Variants in MYO3B observed in about 807,000 individuals in gnomAD.
MYO3B encodes the protein myosin IIIB.
MYO3B carries 156 observed loss-of-function variants against 174.6 expected under a neutral mutation model. The ratio of observed to expected loss-of-function variants is 0.89; its 90% confidence interval spans 0.78 to 1.02. The LOEUF (loss-of-function observed/expected upper bound fraction) is 1.02, where lower values mean the gene tolerates loss of function less well. Among genes scored for constraint, MYO3B ranks in the 50% least tolerant of loss-of-function variants. The pLI, the probability that MYO3B is intolerant of heterozygous loss-of-function variation, is 0.00. For synonymous variants in MYO3B, 563 were observed against 569.1 expected (o/e 0.99, Z 0.15); for missense variants, 1,632 against 1,639.4 (o/e 1.00, Z 0.08).
rs1186079317 is a variant in MYO3B at position 170,369,244 on chromosome 2, A to G, written c.838A>G (p.Arg280Gly). Residue 280 changes from arginine (R) to glycine (G), a missense_variant, in exon 9 of 35, where the codon AGG (arginine) becomes GGG (glycine). Coordinates refer to ENST00000408978, the MANE Select transcript of MYO3B (RefSeq NM_138995.5). Reference sequence around the variant, plus strand: ...CAGGTGTCTTATTAAGGATTTTGAAAGGCGACCTTCCGTCACACATCTCCT... The same window carrying G: ...CAGGTGTCTTATTAAGGATTTTGAAGGGCGACCTTCCGTCACACATCTCCT... Reference protein sequence around the residue: ...ISQCLIKDFERRPSVTHLLDH... With the variant: ...ISQCLIKDFEGRPSVTHLLDH... 6.2e-7 allele frequency: 1 copy of G among 1,613,148 alleles called. No homozygotes were observed. Among genetic ancestry groups the G allele is most frequent in the Non-Finnish European group, 8.5e-7 (1 of 1,179,504 alleles).
intron 7 of MYO3B, among the ~76,000 whole-genome samples, chr2:170,247,763 A>T (rs975562005): frequency 6.6e-6 from 1 of 152,170 alleles, no homozygotes; most frequent in Non-Finnish European, 1.5e-5. Context: ...GGCCTCTTTT[A>T]TGAAGGTACT....
At chr2:170,354,984 C>CT (rs2094109062) in intron 8 of MYO3B, among the ~76,000 whole-genome samples, 1 of 152,120 alleles carries the variant, frequency 6.6e-6, no homozygotes, top group South Asian at 2.1e-4. Context: ...GTGTTCATTT[C>CT]TTGTCTAAAA....
At chr2:170,425,655 G>A (rs2094654746) in intron 22 of MYO3B, among the ~76,000 whole-genome samples, 1 of 152,132 alleles carries the variant, frequency 6.6e-6, no homozygotes, top group Admixed American at 6.5e-5. Context: ...AGTTTGGTGT[G>A]TAAACAGCCA....
intron 32 of MYO3B, among the ~76,000 whole-genome samples, chr2:170,565,635 T>G (rs77280303): frequency 0.021 from 3,275 of 152,338 alleles, 110 homozygotes; most frequent in African/African-American, 0.075. Flanking sequence ...GGCACAGCTG[T>G]CTGTCTAGAA....
At chr2:170,246,423 C>T (rs765982371) in intron 7 of MYO3B, among the ~76,000 whole-genome samples, 9 of 152,094 alleles carry the variant, frequency 5.9e-5, no homozygotes, top group African/African-American at 1.2e-4. Context: ...CAAATAGCGT[C>T]ATGTGGACAT....
At chr2:170,472,537 A>T (rs983236433) in intron 25 of MYO3B, among the ~76,000 whole-genome samples, 1 of 152,066 alleles carries the variant, frequency 6.6e-6, no homozygotes, top group Non-Finnish European at 1.5e-5. Flanking sequence ...ACCCTCCTTG[A>T]CTTTCCCAGG....
chr2:170,226,068 A>C (rs2092949117), intron 6 of MYO3B, among the ~76,000 whole-genome samples: 1 of 152,196 alleles, frequency 6.6e-6, no homozygotes, highest in Non-Finnish European at 1.5e-5. Flanking sequence ...CTGATGTTCC[A>C]CAAGCAATGA....
intron 8 of MYO3B, among the ~76,000 whole-genome samples, chr2:170,362,978 T>C (rs944013592): frequency 2.0e-5 from 3 of 152,220 alleles, no homozygotes; most frequent in African/African-American, 7.2e-5. Flanking sequence ...ATTTAACCTA[T>C]AATTAGTGTA....
chr2:170,425,025 A>G (rs1354398131), intron 22 of MYO3B, among the ~76,000 whole-genome samples: 5 of 152,180 alleles, frequency 3.3e-5, no homozygotes, highest in African/African-American at 2.4e-5. Flanking sequence ...TCTCAAAGCC[A>G]TTTATACTTT....
intron 32 of MYO3B, chr2:170,646,842 C>A: frequency 1.1e-6 from 1 of 909,134 alleles, no homozygotes; most frequent in South Asian, 1.3e-5. Flanking sequence ...TGAAGCTGTT[C>A]GTCAGGATAG....
At chr2:170,280,283 G>A (rs1041997140) in intron 7 of MYO3B, among the ~76,000 whole-genome samples, 1 of 151,772 alleles carries the variant, frequency 6.6e-6, no homozygotes, top group Non-Finnish European at 1.5e-5. Flanking sequence ...GTCTGTTTAT[G>A]TCCTTTGTCC....
At chr2:170,282,905 T>C (rs1477371491) in intron 7 of MYO3B, among the ~76,000 whole-genome samples, 2 of 152,172 alleles carry the variant, frequency 1.3e-5, no homozygotes, top group Non-Finnish European at 2.9e-5. Flanking sequence ...TTGGCTCCCC[T>C]TTCCCCAGCA....
chr2:170,453,453 C>A (rs867571790), intron 23 of MYO3B, among the ~76,000 whole-genome samples: 34 of 123,056 alleles, frequency 2.8e-4, no homozygotes, highest in African/African-American at 8.4e-4. Flanking sequence ...CACACACACA[C>A]GAGAGAGAGA....
intron 32 of MYO3B, among the ~76,000 whole-genome samples, chr2:170,545,473 C>T (rs16858711): frequency 3.9e-5 from 6 of 152,080 alleles, no homozygotes; most frequent in Admixed American, 6.5e-5. Context: ...TAAATGCAAA[C>T]GTAATCTATG....
intron 7 of MYO3B, among the ~76,000 whole-genome samples, chr2:170,309,105 G>T (rs974844307): frequency 1.3e-5 from 2 of 152,056 alleles, no homozygotes; most frequent in African/African-American, 2.4e-5. Flanking sequence ...TTTAAATAAC[G>T]TATGTCACTA....
At chr2:170,290,400 T>C (rs1243458523) in intron 7 of MYO3B, among the ~76,000 whole-genome samples, 1 of 152,196 alleles carries the variant, frequency 6.6e-6, no homozygotes, top group Admixed American at 6.5e-5. Context: ...TATATTCTCT[T>C]GCTGAATTGA....
intron 1 of MYO3B, among the ~76,000 whole-genome samples, chr2:170,191,529 C>T (rs2092540654): frequency 1.3e-5 from 2 of 152,076 alleles, no homozygotes; most frequent in Admixed American, 1.3e-4. Flanking sequence ...GCAATTTCCC[C>T]CCGGCTAGGT....
chr2:170,425,354 C>T (rs2094651866), intron 22 of MYO3B, among the ~76,000 whole-genome samples: 1 of 152,206 alleles, frequency 6.6e-6, no homozygotes, highest in East Asian at 1.9e-4. Flanking sequence ...CTGTAAACCA[C>T]AGCTGTGTGG....
intron 7 of MYO3B, among the ~76,000 whole-genome samples, chr2:170,295,043 A>G (rs745845319): frequency 2.6e-5 from 4 of 152,058 alleles, no homozygotes; most frequent in Non-Finnish European, 4.4e-5. Flanking sequence ...CAGAACTATT[A>G]TTACTGATGA....
Sources: gnomAD v4.1 joint callset for allele counts (sites outside exome capture counted in the v4.1 genomes callset) on GRCh38, gnomAD v4.1.1 for gene constraint, MANE v1.5 for transcripts, NCBI Gene and HGNC (gene_info 2026-07-23, HGNC 2026-07-21) for gene names.